The following GLRA2 variants were observed in gnomAD, a reference collection of about 807,000 sequenced individuals.
GLRA2 encodes the protein glycine receptor subunit alpha-2.
Under a neutral mutation model 31.6 loss-of-function variants are expected in GLRA2, and 11 were observed. That is an observed-to-expected ratio of 0.35 (90% CI 0.22 to 0.58). GLRA2 has a LOEUF of 0.58. Among genes scored for constraint, GLRA2 ranks in the 20% least tolerant of loss-of-function variants. The pLI is 0.84. For missense variants in GLRA2, 212 were observed against 351.8 expected (o/e 0.60, Z 3.18); for synonymous variants, 132 against 134.0 (o/e 0.99, Z 0.10).
At chrX:14,492,921 C>T in the GLRA2 span, among the ~76,000 whole-genome samples, 1 of 111,338 alleles carries the variant, frequency 9.0e-6, no homozygotes, top group African/African-American at 3.3e-5. Context: ...TGCCTTGTTG[C>T]TGTGTTCTCC....
At chrX:14,505,167 G>A in the GLRA2 span, among the ~76,000 whole-genome samples, 3 of 112,141 alleles carry the variant, frequency 2.7e-5, no homozygotes, top group Non-Finnish European at 5.6e-5. Context: ...GTGAGGTCAG[G>A]AAACAGAAAT....
chrX:14,636,414 C>T (rs991528183), intron 7 of GLRA2, among the ~76,000 whole-genome samples: 2 of 111,230 alleles, frequency 1.8e-5, no homozygotes, highest in South Asian at 3.9e-4. Context: ...ATGAGAAGGG[C>T]ACTTTATCTC....
chrX:14,592,915 G>A (rs1178158837), intron 4 of GLRA2, among the ~76,000 whole-genome samples: 1 of 112,171 alleles, frequency 8.9e-6, no homozygotes, highest in Non-Finnish European at 1.9e-5. Flanking sequence ...GGAATCATGT[G>A]GTAGATTTGA....
At chrX:14,571,373 A>G (rs1455492648) in intron 2 of GLRA2, among the ~76,000 whole-genome samples, 1 of 112,000 alleles carries the variant, frequency 8.9e-6, no homozygotes, top group East Asian at 2.8e-4. Context: ...ACATGCTAGG[A>G]TAACTCCTAA....
intron 8 of GLRA2, among the ~76,000 whole-genome samples, chrX:14,699,646 G>T (rs923474017): frequency 1.8e-5 from 2 of 111,555 alleles, no homozygotes; most frequent in Admixed American, 1.9e-4. Flanking sequence ...ACCCAACTGT[G>T]CAATAGAAGA....
At chrX:14,512,131 T>A in the GLRA2 span, among the ~76,000 whole-genome samples, 1 of 111,761 alleles carries the variant, frequency 8.9e-6, no homozygotes, top group Admixed American at 9.5e-5. Flanking sequence ...CTACCATTTA[T>A]GTATTTTAGA....
At chrX:14,452,359 C>T in the GLRA2 span, among the ~76,000 whole-genome samples, 12 of 112,553 alleles carry the variant, frequency 1.1e-4, no homozygotes, top group Admixed American at 7.5e-4. Flanking sequence ...TAAAATGACC[C>T]TTTCTTTGAT....
chrX:14,484,186 C>T, the GLRA2 span, among the ~76,000 whole-genome samples: 5 of 111,930 alleles, frequency 4.5e-5, no homozygotes, highest in African/African-American at 1.6e-4. Context: ...ATAAGAAAAA[C>T]ATTTTCTTTT....
chrX:14,670,228 A>C (rs2091076911), intron 7 of GLRA2, among the ~76,000 whole-genome samples: 1 of 111,523 alleles, frequency 9.0e-6, no homozygotes, highest in Admixed American at 9.5e-5. Context: ...TGTTCATATC[A>C]CTATCGGCAT....
intron 8 of GLRA2, among the ~76,000 whole-genome samples, chrX:14,720,061 G>C (rs1369775004): frequency 9.0e-6 from 1 of 111,358 alleles, no homozygotes; most frequent in Non-Finnish European, 1.9e-5. Flanking sequence ...GTGAGGAATA[G>C]GGACAGTTTG....
chrX:14,530,334 A>G (rs1429962965), intron 1 of GLRA2, among the ~76,000 whole-genome samples: 1 of 112,025 alleles, frequency 8.9e-6, no homozygotes, highest in African/African-American at 3.2e-5. Context: ...GCCGCACTCT[A>G]TGCAATTCAA....
the GLRA2 span, among the ~76,000 whole-genome samples, chrX:14,459,782 G>A: frequency 9.0e-6 from 1 of 111,725 alleles, no homozygotes; most frequent in Non-Finnish European, 1.9e-5. Flanking sequence ...CTGAGATGAT[G>A]GGGTTTTCTT....
intron 2 of GLRA2, among the ~76,000 whole-genome samples, chrX:14,536,968 A>G (rs1300700298): frequency 9.0e-6 from 1 of 111,680 alleles, no homozygotes; most frequent in Non-Finnish European, 1.9e-5. Context: ...TCATTTTAAA[A>G]TGGCCTAGAA....
chrX:14,601,851 G>A (rs1248243268), intron 4 of GLRA2, among the ~76,000 whole-genome samples: 1 of 111,602 alleles, frequency 9.0e-6, no homozygotes, highest in Non-Finnish European at 1.9e-5. Context: ...GAGCATGACA[G>A]CAAGGGAGAG....
chrX:14,501,237 TG>T, the GLRA2 span, among the ~76,000 whole-genome samples: 1 of 111,332 alleles, frequency 9.0e-6, no homozygotes, highest in South Asian at 3.8e-4. Context: ...ATTTCAACAC[TG>T]TTTTTTATTC....
intron 7 of GLRA2, among the ~76,000 whole-genome samples, chrX:14,686,281 G>A (rs972234201): frequency 2.7e-5 from 3 of 112,001 alleles, no homozygotes; most frequent in Non-Finnish European, 3.8e-5. Context: ...TGAGAAGAAT[G>A]TATATTCTTT....
chrX:14,670,553 A>C (rs936017165), intron 7 of GLRA2, among the ~76,000 whole-genome samples: 7 of 111,707 alleles, frequency 6.3e-5, no homozygotes, highest in African/African-American at 1.3e-4. Flanking sequence ...AGCAAGTCAC[A>C]TCTTATGTGG....
At chrX:14,625,243 C>G (rs1249136348) in intron 7 of GLRA2, among the ~76,000 whole-genome samples, 2 of 111,040 alleles carry the variant, frequency 1.8e-5, no homozygotes, top group African/African-American at 6.6e-5. Flanking sequence ...ATGTGTGTCT[C>G]TGCATGTGAG....
intron 7 of GLRA2, among the ~76,000 whole-genome samples, chrX:14,669,020 T>A (rs776632202): frequency 5.3e-5 from 6 of 112,320 alleles, no homozygotes; most frequent in Non-Finnish European, 1.1e-4. Flanking sequence ...AACAAGTTAG[T>A]TACTTCCTAG....
Sources: gnomAD v4.1 joint callset for allele counts (sites outside exome capture counted in the v4.1 genomes callset) on GRCh38, gnomAD v4.1.1 for gene constraint, MANE v1.5 for transcripts, NCBI Gene and HGNC (gene_info 2026-07-23, HGNC 2026-07-21) for gene names.